The following GPC5 variants were observed in gnomAD, a reference collection of about 807,000 sequenced individuals.
GPC5 encodes the protein glypican-5.
Under a neutral mutation model 53.9 loss-of-function variants are expected in GPC5, and 47 were observed. That is an observed-to-expected ratio of 0.87 (90% CI 0.69 to 1.11). The LOEUF is 1.11. Ranked by LOEUF, GPC5 falls within the 50% of genes most tolerant of loss-of-function variation. The pLI is 0.00. For synonymous variants in GPC5, 286 were observed against 263.3 expected (o/e 1.09, Z -0.84); for missense variants, 748 against 713.1 (o/e 1.05, Z -0.56).
chr13:91,615,075 A>G (rs992795537), intron 2 of GPC5, among the ~76,000 whole-genome samples: 2 of 151,534 alleles, frequency 1.3e-5, no homozygotes, highest in Admixed American at 6.6e-5. Context: ...ACCCAACATG[A>G]TTTACAAAGA....
At chr13:91,887,790 G>A (rs149127724) in intron 5 of GPC5, among the ~76,000 whole-genome samples, 123 of 152,160 alleles carry the variant, frequency 8.1e-4, no homozygotes, top group African/African-American at 2.9e-3. Context: ...ATCACTATCA[G>A]CATTTTGGTC....
At chr13:92,530,996 C>T (rs922551849) in intron 7 of GPC5, among the ~76,000 whole-genome samples, 4 of 152,112 alleles carry the variant, frequency 2.6e-5, no homozygotes, top group African/African-American at 9.7e-5. Context: ...AGCAAAAGCC[C>T]GAATACTGAG....
chr13:92,681,310 A>T (rs1887103775), intron 7 of GPC5, among the ~76,000 whole-genome samples: 1 of 147,618 alleles, frequency 6.8e-6, no homozygotes, highest in Admixed American at 6.7e-5. Flanking sequence ...ACACAGGCCT[A>T]TCACTTCTCC....
chr13:92,049,938 G>A (rs1403730350), intron 6 of GPC5, among the ~76,000 whole-genome samples: 1 of 152,046 alleles, frequency 6.6e-6, no homozygotes, highest in African/African-American at 2.4e-5. Flanking sequence ...GATACAAATT[G>A]TCTAGGATAA....
chr13:92,275,278 T>A (rs1399368950), intron 7 of GPC5, among the ~76,000 whole-genome samples: 1 of 152,136 alleles, frequency 6.6e-6, no homozygotes, highest in Non-Finnish European at 1.5e-5. Context: ...TATTTTGAAA[T>A]CTACATTACA....
chr13:91,538,677 G>A (rs1293076254), intron 2 of GPC5, among the ~76,000 whole-genome samples: 7 of 150,768 alleles, frequency 4.6e-5, no homozygotes, highest in Non-Finnish European at 5.9e-5. Flanking sequence ...CCGCCTCCCG[G>A]ATTCACGCCC....
intron 7 of GPC5, among the ~76,000 whole-genome samples, chr13:92,768,530 C>T (rs921025065): frequency 3.3e-5 from 5 of 151,966 alleles, no homozygotes; most frequent in Non-Finnish European, 7.4e-5. Flanking sequence ...TTTAATTTTC[C>T]TGCACTGGGT....
chr13:92,607,367 G>A (rs1483628545), intron 7 of GPC5, among the ~76,000 whole-genome samples: 1 of 152,078 alleles, frequency 6.6e-6, no homozygotes, highest in African/African-American at 2.4e-5. Flanking sequence ...TTCTGCTTAC[G>A]ATGGCTGGCA....
At chr13:91,711,331 C>A (rs1156586231) in intron 3 of GPC5, among the ~76,000 whole-genome samples, 1 of 152,062 alleles carries the variant, frequency 6.6e-6, no homozygotes, top group Non-Finnish European at 1.5e-5. Flanking sequence ...TGGAAACCAT[C>A]ATTCTCAGCA....
chr13:92,818,407 C>T (rs1027740850), intron 7 of GPC5, among the ~76,000 whole-genome samples: 3 of 151,766 alleles, frequency 2.0e-5, no homozygotes, highest in East Asian at 3.9e-4. Flanking sequence ...AAACTAAAAG[C>T]CTTTAATCTA....
intron 7 of GPC5, among the ~76,000 whole-genome samples, chr13:92,654,262 GT>G (rs1566344612): frequency 1.3e-5 from 2 of 151,980 alleles, no homozygotes; most frequent in African/African-American, 4.8e-5. Flanking sequence ...GTAAAGATTG[GT>G]TTTTTAAAAA....
At position 92,715,203 on chromosome 13, in the gene GPC5, G is replaced by C. The variant is rs188905850; in HGVS notation, c.1562-151079G>C. On this transcript the variant is annotated intron_variant, in intron 7 of 7. Coordinates refer to ENST00000377067, the MANE Select transcript of GPC5 (RefSeq NM_004466.6). ...TCAAAACAGTTGAATAGAGTGATCA[G>C]CACAGGTTCCTGAAAAAAGACTTGA... Among the ~76,000 whole-genome samples the C allele has an allele frequency of 5.9e-5, 9 of 152,302 alleles. No individual in the cohort carries two copies. In the East Asian group the frequency reaches 1.7e-3, roughly 29 times the overall value.
chr13:92,266,845 G>A (rs1478733782), intron 7 of GPC5, among the ~76,000 whole-genome samples: 2 of 151,752 alleles, frequency 1.3e-5, no homozygotes, highest in African/African-American at 2.4e-5. Context: ...AAACATCAGT[G>A]ACCAGACATC....
chr13:91,663,324 C>T (rs1213732060), intron 2 of GPC5, among the ~76,000 whole-genome samples: 6 of 152,150 alleles, frequency 3.9e-5, no homozygotes. Flanking sequence ...CATTTATTTC[C>T]TCACTCCGTG....
In GPC5 at chr13:91,474,574, G is replaced by T. The variant is rs143470387; in HGVS notation, c.325+25652G>T. 8.0e-4 allele frequency among the ~76,000 whole-genome samples: 122 copies of T among 152,068 alleles called. 1 individual carries two copies. The East Asian group carries it at 0.019, about 24-fold the overall frequency. ...CTGATCTAAACAATGAAAATCACATGAGCAAATTTTCTAGTTTCTGACTTA... is the reference window on the plus strand; with the variant it reads ...CTGATCTAAACAATGAAAATCACATTAGCAAATTTTCTAGTTTCTGACTTA... On this transcript the variant is annotated intron_variant, in intron 2 of 7. Coordinates refer to ENST00000377067, the MANE Select transcript of GPC5 (RefSeq NM_004466.6).
At chr13:92,810,387 A>G (rs1877251207) in intron 7 of GPC5, among the ~76,000 whole-genome samples, 1 of 151,962 alleles carries the variant, frequency 6.6e-6, no homozygotes, top group South Asian at 2.1e-4. Context: ...TTAATTTTCT[A>G]ATTTATTAAA....
At chr13:91,627,496 T>G (rs2034037537) in intron 2 of GPC5, among the ~76,000 whole-genome samples, 1 of 152,092 alleles carries the variant, frequency 6.6e-6, no homozygotes, top group East Asian at 1.9e-4. Flanking sequence ...TTTTACACCT[T>G]AGATTGTAAT....
At chr13:91,852,984 G>C (rs1364730110) in intron 5 of GPC5, among the ~76,000 whole-genome samples, 1 of 152,022 alleles carries the variant, frequency 6.6e-6, no homozygotes, top group Non-Finnish European at 1.5e-5. Context: ...ACTGAAGTCT[G>C]CCCTTGTGTA....
At chr13:92,387,477 C>A (rs577585065) in intron 7 of GPC5, among the ~76,000 whole-genome samples, 3 of 152,192 alleles carry the variant, frequency 2.0e-5, no homozygotes, top group African/African-American at 7.2e-5. Context: ...GCCAGTGAGG[C>A]AGAAGAGTGC....
Sources: gnomAD v4.1 joint callset for allele counts (sites outside exome capture counted in the v4.1 genomes callset) on GRCh38, gnomAD v4.1.1 for gene constraint, MANE v1.5 for transcripts, NCBI Gene and HGNC (gene_info 2026-07-23, HGNC 2026-07-21) for gene names.